TRIM27: variants seen among roughly 807,000 people sequenced by gnomAD.
TRIM27 encodes the protein zinc finger protein RFP.
In TRIM27, 12 loss-of-function variants were observed where a neutral mutation model predicts 57.6. The observed-to-expected ratio is 0.21, with a 90% CI of 0.13 to 0.34. The LOEUF (loss-of-function observed/expected upper bound fraction) is 0.34. Ranked by LOEUF, TRIM27 falls within the 10% of genes least tolerant of loss-of-function variation. The pLI is 1.00. For missense variants in TRIM27, 403 were observed against 656.8 expected (o/e 0.61, Z 4.22); for synonymous variants, 266 against 259.0 (o/e 1.03, Z -0.26).
rs200264379 is a variant in TRIM27, at chr6:28,903,076, G to A, written c.*994C>T. On this transcript the variant is annotated 3_prime_UTR_variant, in exon 8 of 8. Coordinates refer to ENST00000377199, the MANE Select transcript of TRIM27 (RefSeq NM_006510.5). Reference sequence around the variant, plus strand: ...GAGAAGCAGGACTGAGAACCATCATGGGGGCTTGCTTGAAGTGATCTGCCC... The same window carrying A: ...GAGAAGCAGGACTGAGAACCATCATAGGGGCTTGCTTGAAGTGATCTGCCC... 7.0e-5 allele frequency: 16 copies of A among 228,926 alleles called. No individual in the cohort carries two copies. The East Asian group carries it at 9.3e-4, about 13-fold the overall frequency. The allele number at this position is 228,926 out of a possible 1,614,324, so 14.2% of individuals were successfully genotyped here. A position where few individuals can be genotyped will look rare whatever the true frequency, so the allele number is the denominator to read the frequency against.
At chr6:28,917,262 G>C (rs1487604200) in intron 3 of TRIM27, among the ~76,000 whole-genome samples, 1 of 151,924 alleles carries the variant, frequency 6.6e-6, no homozygotes, top group African/African-American at 2.4e-5. Context: ...CAAGATTTGA[G>C]AAAGCAAAGC....
At chr6:28,905,361 A>T (rs1241357787) in intron 7 of TRIM27, 1 of 152,178 alleles carries the variant, frequency 6.6e-6, no homozygotes, top group Non-Finnish European at 1.5e-5. Flanking sequence ...GAGATTCATG[A>T]ATGTTTACAT....
At chr6:28,919,013 ATTAT>A (rs1051550721) in intron 3 of TRIM27, among the ~76,000 whole-genome samples, 11 of 151,490 alleles carry the variant, frequency 7.3e-5, no homozygotes, top group Non-Finnish European at 1.2e-4. Context: ...TTTATTTTTT[ATTAT>A]TTATTTATTT....
chr6:28,920,359 G>C, intron 2 of TRIM27, 117 bp from the exon 3 acceptor site: 1 of 796,640 alleles, frequency 1.3e-6, no homozygotes, highest in Non-Finnish European at 2.0e-6. Flanking sequence ...CAAGCACAGT[G>C]CTAACTCATT....
rs536734879 is a variant in TRIM27 at position 28,904,415 on chromosome 6, G to C, written c.1197C>G (p.Thr399=). Residue 399 remains threonine (T), a synonymous_variant, in exon 8 of 8, where the codon ACC becomes ACG. Coordinates refer to ENST00000377199, the MANE Select transcript of TRIM27 (RefSeq NM_006510.5). The surrounding 1 kb of genome is among the most constrained non-coding windows in gnomAD (Gnocchi z 6.1). The part of the protein sequence containing the change: ...EDSVCRKGGV[T]SAPQNGFWAV... Reference sequence around the variant, plus strand: ...CCCAGAATCCATTCTGGGGGGCTGAGGTTACTCCACCTTTTCTGCACACTG... The same window carrying C: ...CCCAGAATCCATTCTGGGGGGCTGACGTTACTCCACCTTTTCTGCACACTG... 1.2e-6 allele frequency: 2 copies of C among 1,612,936 alleles called. No homozygotes were observed. Among genetic ancestry groups the C allele is most frequent in the Non-Finnish European group, 1.7e-6 (2 of 1,180,036 alleles).
chr6:28,909,086 G>A lies in TRIM27; in HGVS notation c.773C>T (p.Ala258Val). The change falls in exon 5 of 8, where the codon GCT (alanine) becomes GTT (valine). Residue 258 changes from alanine (A) to valine (V), a missense_variant and splice_region_variant. Transcript: ENST00000377199. ...AGGTTCAGGAATCCTGATTCTTTCA[G>A]CCCTAAATTTAAAAAACATGAGTAA... ...LQDIGDTLSR[A>V]ERIRIPEPWI... The A allele has an allele frequency of 2.5e-6, 4 of 1,591,078 alleles. No homozygotes were observed. The highest frequency in any genetic ancestry group is 3.4e-6 in the Non-Finnish European group (4 of 1,172,472).
chr6:28,909,832 G>A (rs889078343), intron 4 of TRIM27, among the ~76,000 whole-genome samples: 4 of 152,184 alleles, frequency 2.6e-5, no homozygotes, highest in African/African-American at 4.8e-5. Flanking sequence ...AAGACTGCCA[G>A]TTGCCTATCC....
At chr6:28,916,913 G>A (rs550176134) in intron 3 of TRIM27, among the ~76,000 whole-genome samples, 39 of 151,036 alleles carry the variant, frequency 2.6e-4, no homozygotes, top group African/African-American at 7.3e-4. Flanking sequence ...AGGCTGAGGC[G>A]GATGGATTGC....
At chr6:28,909,139 C>T (rs1195653380) in intron 4 of TRIM27, 51 bp from the exon 5 acceptor site, 7 of 1,341,888 alleles carry the variant, frequency 5.2e-6, no homozygotes, top group East Asian at 4.6e-5. Context: ...GATGGAGTTT[C>T]GCTTGTTGCC....
At position 28,903,460 on chromosome 6, in the gene TRIM27, A is replaced by G. The variant is rs530585893; in HGVS notation, c.*610T>C. On this transcript the variant is annotated 3_prime_UTR_variant, in exon 8 of 8. Coordinates refer to ENST00000377199, the MANE Select transcript of TRIM27 (RefSeq NM_006510.5). The stretch of plus-strand genomic sequence containing the variant: ...AGGCAGAGACATTGATTAGAACATT[A>G]TCTCATAACAGAGGTGGGGCCATTA... 1 of 233,500 alleles carries G rather than the reference A, an allele frequency of 4.3e-6. No individual in the cohort carries two copies. Among genetic ancestry groups the G allele is most frequent in the Non-Finnish European group, 8.5e-6 (1 of 118,292 alleles). 14.5% of individuals were successfully genotyped at this position (233,500 alleles called of 1,614,324 possible).
At chr6:28,916,566 A>G (rs557654907) in intron 3 of TRIM27, among the ~76,000 whole-genome samples, 2 of 152,024 alleles carry the variant, frequency 1.3e-5, no homozygotes, top group Non-Finnish European at 2.9e-5. Flanking sequence ...AAAAAAAAAA[A>G]GTATGCTAAG....
chr6:28,915,347 G>A (rs912161076), intron 3 of TRIM27: 2 of 148,778 alleles, frequency 1.3e-5, no homozygotes, highest in African/African-American at 5.0e-5. Context: ...AGTAGCTCAC[G>A]TCTATTATAC....
intron 3 of TRIM27, among the ~76,000 whole-genome samples, chr6:28,915,986 G>A (rs9800530): frequency 6.6e-6 from 1 of 151,874 alleles, no homozygotes; most frequent in African/African-American, 2.4e-5. Context: ...GCACGATCTC[G>A]GCTCACTACA....
intron 3 of TRIM27, 64 bp from the exon 4 acceptor site, chr6:28,911,782 G>T: frequency 6.4e-7 from 1 of 1,556,494 alleles, no homozygotes. Context: ...TTCTTTCACA[G>T]ATGTTTGTTG....
chr6:28,904,806 TTCACATTTCA>T lies in TRIM27; in HGVS notation c.947-151_947-142del. 1.6e-6 allele frequency: 1 copy of T among 615,650 alleles called. No individual in the cohort carries two copies. The highest frequency in any genetic ancestry group is 2.8e-6 in the Non-Finnish European group (1 of 361,664). 38.1% of individuals were successfully genotyped at this position (615,650 alleles called of 1,614,324 possible). On this transcript the variant is annotated intron_variant, in intron 7 of 7. Transcript: ENST00000377199. The surrounding 1 kb of genome is among the most constrained non-coding windows in gnomAD (Gnocchi z 6.1). ...ATTTTATTTAGAATATATTCTAAAC[TTCACATTTCA>T]AAAATTACTGCTTGGATTAGCTGGT...
chr6:28,909,144 G>GT, intron 4 of TRIM27, 56 bp from the exon 5 acceptor site: 1 of 1,315,450 alleles, frequency 7.6e-7, no homozygotes, highest in Admixed American at 1.9e-5. Flanking sequence ...AGTTTCGCTT[G>GT]TTGCCCAGGC....
intron 7 of TRIM27, chr6:28,905,024 CGCCT>C (rs1365379250): frequency 2.1e-5 from 5 of 237,334 alleles, no homozygotes; most frequent in African/African-American, 1.1e-4. Context: ...GTGATTCTCC[CGCCT>C]AAGACACCCA....
At chr6:28,920,332 C>T (rs981005652) in intron 2 of TRIM27, 90 bp from the exon 3 acceptor site, 41 of 1,115,736 alleles carry the variant, frequency 3.7e-5, no homozygotes, top group African/African-American at 3.4e-4. Context: ...AGCCCAAGAC[C>T]TCATTATGGA....
At chr6:28,916,288 C>G (rs1254951167) in intron 3 of TRIM27, among the ~76,000 whole-genome samples, 1 of 152,022 alleles carries the variant, frequency 6.6e-6, no homozygotes, top group East Asian at 1.9e-4. Flanking sequence ...CGTGGTGGCT[C>G]ACACCTGTAA....
Sources: gnomAD v4.1 joint callset for allele counts (sites outside exome capture counted in the v4.1 genomes callset) on GRCh38, gnomAD v4.1.1 for gene constraint, Gnocchi (gnomAD v3.1) non-coding constraint, MANE v1.5 for transcripts, NCBI Gene and HGNC (gene_info 2026-07-23, HGNC 2026-07-21) for gene names.